CDH13: variants seen among roughly 807,000 people sequenced by gnomAD.
The protein encoded by CDH13 is cadherin 13, also known as cadherin-13.
CDH13 carries 24 observed loss-of-function variants against 63.8 expected under a neutral mutation model. The observed-to-expected ratio is 0.38, with a 90% CI of 0.27 to 0.53. CDH13 has a LOEUF of 0.53. CDH13 is among the 20% of genes least tolerant of loss of function. CDH13 has a pLI of 0.85. For missense variants in CDH13, 1,049 were observed against 903.1 expected (o/e 1.16, Z -2.07); for synonymous variants, 503 against 355.3 (o/e 1.42, Z -4.67).
chr16:83,279,894 G>A (rs2089111849), intron 5 of CDH13, among the ~76,000 whole-genome samples: 1 of 151,252 alleles, frequency 6.6e-6, no homozygotes, highest in Admixed American at 6.6e-5. Context: ...ATACTATACT[G>A]CAATGTAGTA....
chr16:83,177,780 A>G (rs1158532201), intron 4 of CDH13, among the ~76,000 whole-genome samples: 1 of 152,188 alleles, frequency 6.6e-6, no homozygotes, highest in Non-Finnish European at 1.5e-5. Context: ...GAGAATGTCA[A>G]ACCAAATTGA....
intron 2 of CDH13, among the ~76,000 whole-genome samples, chr16:82,951,384 T>G (rs1301441246): frequency 6.6e-6 from 1 of 152,168 alleles, no homozygotes. Flanking sequence ...GCTGGAGGTA[T>G]AGATACAAGA....
chr16:83,718,443 T>A (rs1433154439), intron 10 of CDH13, among the ~76,000 whole-genome samples: 2 of 151,978 alleles, frequency 1.3e-5, no homozygotes, highest in African/African-American at 4.8e-5. Flanking sequence ...TTTTCAAGAG[T>A]GAAGGAATCG....
intron 5 of CDH13, among the ~76,000 whole-genome samples, chr16:83,277,303 G>C (rs998171600): frequency 6.6e-6 from 1 of 152,200 alleles, no homozygotes; most frequent in African/African-American, 2.4e-5. Flanking sequence ...AACAAAGCCT[G>C]TCTGAAGGTT....
intron 2 of CDH13, among the ~76,000 whole-genome samples, chr16:82,910,284 C>G (rs1382900648): frequency 5.3e-5 from 8 of 152,210 alleles, no homozygotes; most frequent in Admixed American, 4.6e-4. Context: ...CTGGCCGATA[C>G]TCATAGCTAT....
chr16:83,780,347 T>G, intron 12 of CDH13, 146 bp downstream of exon 12: 1 of 605,200 alleles, frequency 1.7e-6, no homozygotes, highest in African/African-American at 1.8e-5. Context: ...CTGAGAATTT[T>G]CCCACCAACA....
At chr16:82,713,589 T>A (rs1225332593) in intron 1 of CDH13, among the ~76,000 whole-genome samples, 1 of 152,090 alleles carries the variant, frequency 6.6e-6, no homozygotes, top group Non-Finnish European at 1.5e-5. Context: ...GATAAAAAGA[T>A]GATTGCATTC....
chr16:82,893,183 G>T (rs1485793422), intron 2 of CDH13, among the ~76,000 whole-genome samples: 1 of 152,144 alleles, frequency 6.6e-6, no homozygotes, highest in Non-Finnish European at 1.5e-5. Context: ...AAAATTACTA[G>T]AGCCAATTAG....
intron 4 of CDH13, among the ~76,000 whole-genome samples, chr16:83,150,991 A>G (rs1191499821): frequency 6.6e-6 from 1 of 152,150 alleles, no homozygotes; most frequent in South Asian, 2.1e-4. Flanking sequence ...TTGTGATCAT[A>G]TATTATTCAT....
chr16:83,542,040 G>T (rs570773233), intron 7 of CDH13, among the ~76,000 whole-genome samples: 1 of 152,208 alleles, frequency 6.6e-6, no homozygotes, highest in African/African-American at 2.4e-5. Context: ...GCTCCTTACA[G>T]TGTAGGCCAT....
chr16:82,666,181 A>C (rs1276047356), intron 1 of CDH13, among the ~76,000 whole-genome samples: 1 of 152,070 alleles, frequency 6.6e-6, no homozygotes. Context: ...CTGTTCAGGG[A>C]AGTTGGGATG....
chr16:83,006,353 T>C (rs1913492037), intron 2 of CDH13, among the ~76,000 whole-genome samples: 1 of 152,194 alleles, frequency 6.6e-6, no homozygotes, highest in African/African-American at 2.4e-5. Context: ...CAGGTGCATC[T>C]GAAAAAACGT....
At chr16:83,184,321 AC>A (rs1236187353) in intron 4 of CDH13, among the ~76,000 whole-genome samples, 1 of 151,912 alleles carries the variant, frequency 6.6e-6, no homozygotes, top group Non-Finnish European at 1.5e-5. Context: ...AAAAAGTAAA[AC>A]TCTGTCGACT....
intron 2 of CDH13, among the ~76,000 whole-genome samples, chr16:82,864,859 C>G (rs891919944): frequency 2.6e-5 from 4 of 152,182 alleles, no homozygotes; most frequent in African/African-American, 9.7e-5. Context: ...CAAGGCAAGT[C>G]CCTTCCACCT....
intron 1 of CDH13, among the ~76,000 whole-genome samples, chr16:82,820,448 G>C (rs1242789895): frequency 6.6e-6 from 1 of 152,136 alleles, no homozygotes; most frequent in Non-Finnish European, 1.5e-5. Flanking sequence ...TAATGAAACT[G>C]AGGCACAGAG....
chr16:82,758,541 T>C (rs898195750), intron 1 of CDH13, among the ~76,000 whole-genome samples: 1 of 152,044 alleles, frequency 6.6e-6, no homozygotes, highest in Non-Finnish European at 1.5e-5. Context: ...AGCGGAGCTG[T>C]GCATTAGACA....
intron 3 of CDH13, among the ~76,000 whole-genome samples, chr16:83,094,599 C>T (rs1288144890): frequency 6.6e-6 from 1 of 152,138 alleles, no homozygotes; most frequent in Admixed American, 6.6e-5. Flanking sequence ...AAGGCAAGGC[C>T]TCTTAGTTTA....
intron 7 of CDH13, among the ~76,000 whole-genome samples, chr16:83,512,485 A>G (rs2074595373): frequency 6.6e-6 from 1 of 150,846 alleles, no homozygotes; most frequent in Admixed American, 6.6e-5. Context: ...CCTGGCCAAT[A>G]TGATGAAACC....
chr16:83,746,242 G>C lies in CDH13; in HGVS notation c.1539-1866G>C, dbSNP rs557808789. On this transcript the variant is annotated intron_variant, in intron 10 of 13. Coordinates refer to ENST00000567109, the MANE Select transcript of CDH13 (RefSeq NM_001257.5). ...CCACGTTCCATCTAGAGGTCTAGGG[G>C]AGGGTCCTTCCTGCCACTCCCCACT... Among the ~76,000 whole-genome samples, 43 of 152,296 alleles carry C rather than the reference G, an allele frequency of 2.8e-4. No homozygotes were observed. The East Asian group carries it at 6.0e-3, about 21-fold the overall frequency.
Sources: allele counts gnomAD v4.1 joint callset (sites outside exome capture counted in the v4.1 genomes callset), GRCh38; gene constraint gnomAD v4.1.1; transcripts MANE v1.5; gene names NCBI Gene and HGNC (gene_info 2026-07-23, HGNC 2026-07-21).